Variants in ACTL6A observed in about 807,000 individuals in gnomAD.
The protein encoded by ACTL6A is actin-like protein 6A.
ACTL6A carries 5 observed loss-of-function variants against 59.2 expected under a neutral mutation model. That is an observed-to-expected ratio of 0.08 (90% confidence interval 0.04 to 0.18). The LOEUF is 0.18. ACTL6A is among the 10% of genes least tolerant of loss of function. The probability of loss-of-function intolerance (pLI) is 1.00; values close to 1 mark genes in which losing one functional copy is unlikely to be tolerated. For synonymous variants in ACTL6A, 154 were observed against 171.8 expected, an observed-to-expected ratio of 0.90 and a Z score of 0.81; for missense variants, 285 against 526.9, an observed-to-expected ratio of 0.54 and a Z score of 4.49.
At chr3:179,578,396 G>C (rs1278641901) in intron 8 of ACTL6A, among the ~76,000 whole-genome samples, 1 of 152,162 alleles carries the variant, frequency 6.6e-6, no homozygotes, top group Non-Finnish European at 1.5e-5. Flanking sequence ...GGATGTTGCA[G>C]TGAGCCAACA....
Position 179,581,323 on chromosome 3 carries a change from A to G in ACTL6A, c.1026+103A>G. On this transcript the variant is annotated intron_variant, in intron 11 of 13. Coordinates refer to ENST00000429709, the MANE Select transcript of ACTL6A (RefSeq NM_004301.5). ...CAGTGATCTAATGGTTGTCAGTGTC[A>G]TTGACTTTGAGGTTCATTTTATAAC... 7 of 960,254 alleles carry G rather than the reference A, an allele frequency of 7.3e-6. No individual in the cohort carries two copies. The South Asian group carries it at 9.6e-5, about 13-fold the overall frequency. The allele number at this position is 960,254 out of a possible 1,614,324, so 59.5% of individuals were successfully genotyped here. A position where few individuals can be genotyped will look rare whatever the true frequency, so the allele number is the denominator to read the frequency against.
chr3:179,565,616 G>A (rs925417362), intron 1 of ACTL6A, among the ~76,000 whole-genome samples: 2 of 150,506 alleles, frequency 1.3e-5, no homozygotes, highest in Middle Eastern at 6.8e-3. Context: ...AGGAGGAGTG[G>A]AAAGGGACAG....
intron 1 of ACTL6A, among the ~76,000 whole-genome samples, chr3:179,566,195 A>G (rs971407233): frequency 6.6e-6 from 1 of 152,192 alleles, no homozygotes; most frequent in African/African-American, 2.4e-5. Flanking sequence ...GTTGATGTAC[A>G]GTGAAAAGTT....
At chr3:179,583,329 A>G (rs1560014457) in intron 11 of ACTL6A, 24 bp from the exon 12 acceptor site, 1 of 1,566,226 alleles carries the variant, frequency 6.4e-7, no homozygotes, top group African/African-American at 1.4e-5. Flanking sequence ...GAACTAATTG[A>G]TTTTTCTTGT....
intron 12 of ACTL6A, among the ~76,000 whole-genome samples, chr3:179,585,075 AGATT>A (rs1004248043): frequency 1.3e-5 from 2 of 152,110 alleles, no homozygotes; most frequent in Admixed American, 6.6e-5. Context: ...ACTAATCATT[AGATT>A]GATTGATTGA....
At chr3:179,586,845 C>A (rs1283793400) in intron 13 of ACTL6A, 1 of 513,318 alleles carries the variant, frequency 1.9e-6, no homozygotes, top group Non-Finnish European at 3.3e-6. Flanking sequence ...ATTTCAATGT[C>A]CCCTCTCAAA....
chr3:179,564,145 T>G (rs1479447199), intron 1 of ACTL6A, among the ~76,000 whole-genome samples: 1 of 152,160 alleles, frequency 6.6e-6, no homozygotes, highest in African/African-American at 2.4e-5. Flanking sequence ...AGCCTCCATT[T>G]TTGCAAGATC....
At position 179,562,998 on chromosome 3, in the gene ACTL6A, AG is replaced by A; in HGVS notation, c.-94del. The A allele has an allele frequency of 6.6e-7, 1 of 1,513,386 alleles. No homozygotes were observed. Among genetic ancestry groups the A allele is most frequent in the South Asian group, 1.2e-5 (1 of 85,384 alleles). The allele number at this position is 1,513,386 out of a possible 1,614,324, so 93.7% of individuals were successfully genotyped here. A position where few individuals can be genotyped will look rare whatever the true frequency, so the allele number is the denominator to read the frequency against. On this transcript the variant is annotated 5_prime_UTR_variant, in exon 1 of 14. Coordinates refer to ENST00000429709, the MANE Select transcript of ACTL6A (RefSeq NM_004301.5). ...GGTGGGTGGCGGTGGAAGTTAAGGG[AG>A]TCAGGGGCTATCGCTCCTCGAGACT...
chr3:179,583,601 T>C, intron 12 of ACTL6A, 153 bp downstream of exon 12: 1 of 534,888 alleles, frequency 1.9e-6, no homozygotes, highest in Non-Finnish European at 3.3e-6. Flanking sequence ...CTTTAATCGT[T>C]TTCCTAGTTG....
At chr3:179,575,786 C>T (rs966695353) in intron 5 of ACTL6A, among the ~76,000 whole-genome samples, 2 of 152,184 alleles carry the variant, frequency 1.3e-5, no homozygotes, top group Non-Finnish European at 2.9e-5. Flanking sequence ...TGAAACAGCT[C>T]TTTTTCAATG....
At chr3:179,573,901 G>T (rs917065042) in intron 4 of ACTL6A, among the ~76,000 whole-genome samples, 2 of 152,086 alleles carry the variant, frequency 1.3e-5, no homozygotes. Flanking sequence ...AATACATTTG[G>T]TACATAGACA....
chr3:179,580,560 G>A, intron 8 of ACTL6A, 80 bp from the exon 9 acceptor site: 1 of 1,007,234 alleles, frequency 9.9e-7, no homozygotes, highest in African/African-American at 1.7e-5. Context: ...ATTCAGAAAA[G>A]TATTTAAAAT....
intron 1 of ACTL6A, among the ~76,000 whole-genome samples, chr3:179,567,257 T>G (rs937333079): frequency 2.0e-5 from 3 of 152,066 alleles, no homozygotes; most frequent in Admixed American, 2.0e-4. Context: ...TCCCAGCTAC[T>G]CAGGAGGCTG....
rs1353608119 is a variant in ACTL6A at position 179,570,550 on chromosome 3, A to G, written c.277+309A>G. On this transcript the variant is annotated intron_variant, in intron 3 of 13. Transcript: ENST00000429709. This position sits in a 1 kb window ranked among gnomAD's most constrained non-coding sequence, Gnocchi z 4.3. ...TTAGAGAGGAGAGGTATTTGACTCTAGTGTTGGGAGTCAGTGATGGTTTTC... is the reference window on the plus strand; with the variant it reads ...TTAGAGAGGAGAGGTATTTGACTCTGGTGTTGGGAGTCAGTGATGGTTTTC... Among the ~76,000 whole-genome samples, 1 of 152,214 alleles carries G rather than the reference A, an allele frequency of 6.6e-6. No individual in the cohort carries two copies. The highest frequency in any genetic ancestry group is 1.5e-5 in the Non-Finnish European group (1 of 68,040).
At chr3:179,563,627 C>T (rs1012196004) in intron 1 of ACTL6A, among the ~76,000 whole-genome samples, 7 of 152,326 alleles carry the variant, frequency 4.6e-5, no homozygotes, top group African/African-American at 1.2e-4. Flanking sequence ...ACTAGGGAAG[C>T]GGCGGCCACT....
intron 1 of ACTL6A, 147 bp downstream of exon 1, chr3:179,563,264 T>C (rs1048484927): frequency 2.3e-5 from 31 of 1,320,966 alleles, no homozygotes; most frequent in Middle Eastern, 5.2e-4. Flanking sequence ...CGCCCCACGC[T>C]CTGCCCGCCC....
At chr3:179,580,795 CCTTTT>C in intron 9 of ACTL6A, 94 bp downstream of exon 9, 3 of 1,338,600 alleles carry the variant, frequency 2.2e-6, no homozygotes, top group Non-Finnish European at 3.1e-6. Flanking sequence ...ATTCTCACTC[CCTTTT>C]TTTTTTTTAC....
intron 4 of ACTL6A, 139 bp downstream of exon 4, chr3:179,573,608 G>A: frequency 1.7e-6 from 1 of 604,482 alleles, no homozygotes; most frequent in Non-Finnish European, 2.8e-6. Context: ...TTGAAAATTA[G>A]GGAAAAGGAT....
At chr3:179,568,945 T>C (rs990512552) in intron 1 of ACTL6A, among the ~76,000 whole-genome samples, 23 of 152,232 alleles carry the variant, frequency 1.5e-4, no homozygotes, top group African/African-American at 5.5e-4. Context: ...GCTCAGTTCT[T>C]GTAGCTGTTG....
Sources: gnomAD v4.1 joint callset for allele counts (sites outside exome capture counted in the v4.1 genomes callset) on GRCh38, gnomAD v4.1.1 for gene constraint, Gnocchi (gnomAD v3.1) non-coding constraint, MANE v1.5 for transcripts, NCBI Gene and HGNC (gene_info 2026-07-23, HGNC 2026-07-21) for gene names.